The following UNC13C variants were observed in gnomAD, a reference collection of about 807,000 sequenced individuals.
UNC13C encodes the protein unc-13 homolog C, also known as protein unc-13 homolog C.
A neutral mutation model predicts 245.4 loss-of-function variants in UNC13C; 174 were observed. That is an observed-to-expected ratio of 0.71 (90% CI 0.63 to 0.80). UNC13C has a LOEUF of 0.80. Ranked by LOEUF, UNC13C falls within the 30% of genes least tolerant of loss-of-function variation. The pLI, the probability that UNC13C is intolerant of heterozygous loss-of-function variation, is 0.00. For missense variants in UNC13C, 2,829 were observed against 2,602.9 expected, an observed-to-expected ratio of 1.09 and a Z score of -1.89; for synonymous variants, 992 against 895.1, an observed-to-expected ratio of 1.11 and a Z score of -1.93.
intron 6 of UNC13C, among the ~76,000 whole-genome samples, chr15:54,236,840 G>A (rs1056773018): frequency 2.6e-5 from 4 of 152,154 alleles, no homozygotes; most frequent in Non-Finnish European, 5.9e-5. Context: ...ATGGGTCTCA[G>A]GTGATCAAGA....
intron 4 of UNC13C, among the ~76,000 whole-genome samples, chr15:54,188,169 C>A (rs575745420): frequency 6.6e-6 from 1 of 152,202 alleles, no homozygotes; most frequent in Non-Finnish European, 1.5e-5. Flanking sequence ...GAAGAGTGAA[C>A]TTGGTACATA....
At chr15:54,525,527 A>G (rs1299672125) in intron 24 of UNC13C, 22 bp from the exon 25 acceptor site, 2 of 1,594,852 alleles carry the variant, frequency 1.3e-6, no homozygotes, top group Admixed American at 3.4e-5. Flanking sequence ...CCAAAGTAAT[A>G]TTGTTTATGG....
At chr15:54,486,050 A>G (rs1156965707) in intron 19 of UNC13C, among the ~76,000 whole-genome samples, 2 of 152,016 alleles carry the variant, frequency 1.3e-5, no homozygotes, top group African/African-American at 4.8e-5. Context: ...ACTTGTCACT[A>G]TATTATAAGC....
At chr15:54,281,359 G>T (rs1320121232) in intron 10 of UNC13C, among the ~76,000 whole-genome samples, 1 of 152,116 alleles carries the variant, frequency 6.6e-6, no homozygotes, top group African/African-American at 2.4e-5. Context: ...TTATTATCAA[G>T]ACACAAATGC....
intron 17 of UNC13C, among the ~76,000 whole-genome samples, chr15:54,361,951 A>T (rs2039241921): frequency 6.6e-6 from 1 of 152,196 alleles, no homozygotes; most frequent in African/African-American, 2.4e-5. Context: ...CCAAAACCTA[A>T]TTCCAACATT....
intron 4 of UNC13C, among the ~76,000 whole-genome samples, chr15:54,188,699 T>C (rs1387882794): frequency 1.3e-5 from 2 of 152,198 alleles, no homozygotes; most frequent in Non-Finnish European, 2.9e-5. Flanking sequence ...GCATCTGTTA[T>C]GTGTCAGACA....
the UNC13C span, among the ~76,000 whole-genome samples, chr15:53,860,493 C>A: frequency 1.3e-5 from 2 of 152,172 alleles, no homozygotes; most frequent in East Asian, 1.9e-4. Flanking sequence ...GAGGTAATTG[C>A]CCCATAGGGT....
chr15:53,940,502 A>C, the UNC13C span, among the ~76,000 whole-genome samples: 1 of 152,196 alleles, frequency 6.6e-6, no homozygotes, highest in African/African-American at 2.4e-5. Flanking sequence ...AAGGGTAATC[A>C]AATGAAAACA....
chr15:54,282,956 T>A (rs1430925707), intron 10 of UNC13C, among the ~76,000 whole-genome samples: 1 of 152,132 alleles, frequency 6.6e-6, no homozygotes, highest in African/African-American at 2.4e-5. Flanking sequence ...GCATGCTGAC[T>A]GGTTTGTGAG....
At chr15:53,847,492 G>C in the UNC13C span, among the ~76,000 whole-genome samples, 1 of 151,330 alleles carries the variant, frequency 6.6e-6, no homozygotes, top group Non-Finnish European at 1.5e-5. Context: ...AAGCAGCTGG[G>C]ATTACAGGTG....
chr15:54,451,058 T>A (rs1891146062), intron 19 of UNC13C, among the ~76,000 whole-genome samples: 1 of 152,162 alleles, frequency 6.6e-6, no homozygotes, highest in African/African-American at 2.4e-5. Flanking sequence ...GAATATATCA[T>A]CTCTGTAAGA....
intron 2 of UNC13C, among the ~76,000 whole-genome samples, chr15:54,038,099 C>CAT (rs1399556197): frequency 0.075 from 5,036 of 66,818 alleles, 558 homozygotes; most frequent in Non-Finnish European, 0.098. Context: ...TATACATATA[C>CAT]ATATATATAT....
In UNC13C at chr15:54,250,215, A is replaced by G. The variant is rs764988225; in HGVS notation, c.3229-10A>G. 6.2e-7 allele frequency: 1 copy of G among 1,613,518 alleles called. No homozygotes were observed. The highest frequency in any genetic ancestry group is 8.5e-7 in the Non-Finnish European group (1 of 1,179,528). ...TGGCGGTGCATTGGTAACTTCTCTC[A>G]TGTTCACAGAAAATGCACGTCTTCA... On this transcript the variant is annotated splice_polypyrimidine_tract_variant and intron_variant, in intron 7 of 32. Coordinates refer to ENST00000260323, the MANE Select transcript of UNC13C (RefSeq NM_001080534.3).
chr15:54,170,207 T>C (rs2033343291), intron 4 of UNC13C, among the ~76,000 whole-genome samples: 1 of 152,148 alleles, frequency 6.6e-6, no homozygotes, highest in Non-Finnish European at 1.5e-5. Flanking sequence ...ATAGTGACTT[T>C]ATAGATTTCC....
At chr15:54,278,612 T>C (rs921426546) in intron 10 of UNC13C, among the ~76,000 whole-genome samples, 3 of 152,184 alleles carry the variant, frequency 2.0e-5, no homozygotes, top group African/African-American at 7.2e-5. Context: ...CTTCAGTATC[T>C]TTAATAATCA....
chr15:53,844,956 A>T, the UNC13C span, among the ~76,000 whole-genome samples: 1 of 152,162 alleles, frequency 6.6e-6, no homozygotes, highest in African/African-American at 2.4e-5. Context: ...GTTTATATCC[A>T]GGTGTTAAAG....
At chr15:54,130,343 A>T (rs1433814887) in intron 2 of UNC13C, among the ~76,000 whole-genome samples, 14 of 117,234 alleles carry the variant, frequency 1.2e-4, no homozygotes, top group African/African-American at 4.3e-4. Context: ...CCCAGGCTGG[A>T]GTGCAGTGGT....
At chr15:54,451,440 A>G (rs1322483773) in intron 19 of UNC13C, among the ~76,000 whole-genome samples, 1 of 151,964 alleles carries the variant, frequency 6.6e-6, no homozygotes, top group Non-Finnish European at 1.5e-5. Context: ...GCTGTCCCAT[A>G]TGTCATGTAG....
rs1000165270 is a variant in UNC13C at position 54,276,888 on chromosome 15, C to A, written c.3818+11392C>A. On this transcript the variant is annotated intron_variant, in intron 10 of 32. Transcript: ENST00000260323. Reference sequence around the variant, plus strand: ...AAGTTTTGAGCTACTTAAGGACAACCTCCTAAAATAATTTTGGGTATAAAG... The same window carrying A: ...AAGTTTTGAGCTACTTAAGGACAACATCCTAAAATAATTTTGGGTATAAAG... 4.6e-5 allele frequency among the ~76,000 whole-genome samples: 7 copies of A among 152,022 alleles called. No homozygotes were observed. The South Asian group carries it at 1.5e-3, about 32-fold the overall frequency.
Sources: gnomAD v4.1 joint callset for allele counts (sites outside exome capture counted in the v4.1 genomes callset) on GRCh38, gnomAD v4.1.1 for gene constraint, MANE v1.5 for transcripts, NCBI Gene and HGNC (gene_info 2026-07-23, HGNC 2026-07-21) for gene names.